The following PRRX2 variants were observed in gnomAD, a reference collection of about 807,000 sequenced individuals.
The protein encoded by PRRX2 is paired mesoderm homeobox protein 2.
A neutral mutation model predicts 18.0 loss-of-function variants in PRRX2; 11 were observed. The observed-to-expected ratio is 0.61, with a 90% confidence interval of 0.39 to 1.01. The LOEUF (loss-of-function observed/expected upper bound fraction) is 1.01. Among genes scored for constraint, PRRX2 ranks in the 50% least tolerant of loss-of-function variants. The pLI is 0.01. For missense variants in PRRX2, 387 were observed against 351.0 expected (o/e 1.10, Z -0.82); for synonymous variants, 177 against 154.8 (o/e 1.14, Z -1.06).
In PRRX2 at chr9:129,671,223, A is replaced by C. The variant is rs919349548; in HGVS notation, c.259+5097A>C. ...AGCAGGAGCCGGGGAGCAGGGAGGGAGGAGGAGTGAGTGAGAGGCTGAGTG... is the reference window on the plus strand; with the variant it reads ...AGCAGGAGCCGGGGAGCAGGGAGGGCGGAGGAGTGAGTGAGAGGCTGAGTG... On this transcript the variant is annotated intron_variant, in intron 1 of 3. Transcript: ENST00000372469. The surrounding 1 kb of genome is among the most constrained non-coding windows in gnomAD (Gnocchi z 4.0). 2.8e-4 allele frequency among the ~76,000 whole-genome samples: 43 copies of C among 152,038 alleles called. 1 individual carries two copies. Among genetic ancestry groups the C allele is most frequent in the Middle Eastern group, 3.2e-3 (1 of 316 alleles).
chr9:129,713,636 CTT>C (rs1014664199), intron 1 of PRRX2, among the ~76,000 whole-genome samples: 3 of 144,208 alleles, frequency 2.1e-5, no homozygotes, highest in Non-Finnish European at 3.1e-5. Context: ...TTTTTTCTTT[CTT>C]TTTTTTTTTT....
chr9:129,684,459 C>CACACACACACA (rs1491097967), intron 1 of PRRX2, among the ~76,000 whole-genome samples: 2 of 134,254 alleles, frequency 1.5e-5, no homozygotes, highest in Non-Finnish European at 3.2e-5. Flanking sequence ...CACACACACA[C>CACACACACACA]CCAACAGAAA....
At chr9:129,677,734 G>A (rs1832178546) in intron 1 of PRRX2, among the ~76,000 whole-genome samples, 1 of 152,252 alleles carries the variant, frequency 6.6e-6, no homozygotes, top group South Asian at 2.1e-4. Context: ...CTCTCCCGCA[G>A]AGCGGGCCGC....
rs1256368890 is a variant in PRRX2 at position 129,675,909 on chromosome 9, T to G, written c.259+9783T>G. Among the ~76,000 whole-genome samples, 1 of 152,134 alleles carries G rather than the reference T, an allele frequency of 6.6e-6. No individual in the cohort carries two copies. Among genetic ancestry groups the G allele is most frequent in the Non-Finnish European group, 1.5e-5 (1 of 68,012 alleles). On this transcript the variant is annotated intron_variant, in intron 1 of 3. Transcript: ENST00000372469. The surrounding 1 kb of genome is among the most constrained non-coding windows in gnomAD (Gnocchi z 4.4). ...TGAAAGCCAGTGCACCTCCTTTCAT[T>G]AGACTAACAAATAACGCGTAACAGA...
At chr9:129,668,964 T>G (rs1832064325) in intron 1 of PRRX2, among the ~76,000 whole-genome samples, 1 of 151,264 alleles carries the variant, frequency 6.6e-6, no homozygotes, top group Non-Finnish European at 1.5e-5. Context: ...CTGGCCAAGA[T>G]AGTGAAACTG....
rs1183706635 is a variant in PRRX2, at chr9:129,695,738, C to T, written c.260-23493C>T. 6.6e-6 allele frequency among the ~76,000 whole-genome samples: 1 copy of T among 152,222 alleles called. No individual in the cohort carries two copies. The highest frequency in any genetic ancestry group is 1.5e-5 in the Non-Finnish European group (1 of 68,046). On this transcript the variant is annotated intron_variant, in intron 1 of 3. Coordinates refer to ENST00000372469, the MANE Select transcript of PRRX2 (RefSeq NM_016307.4). The surrounding 1 kb of genome is among the most constrained non-coding windows in gnomAD (Gnocchi z 4.8). Reference sequence around the variant, plus strand: ...GGCACATTCACCAGGCCATTATGGGCCTCACTACCTTTAGGCGGGGAACTT... The same window carrying T: ...GGCACATTCACCAGGCCATTATGGGTCTCACTACCTTTAGGCGGGGAACTT...
chr9:129,702,423 ACT>A (rs1832509859), intron 1 of PRRX2, among the ~76,000 whole-genome samples: 1 of 152,118 alleles, frequency 6.6e-6, no homozygotes, highest in Admixed American at 6.5e-5. Flanking sequence ...ACTTTCTAGA[ACT>A]CTCTGTGATG....
At chr9:129,673,491 A>C (rs1012044666) in intron 1 of PRRX2, among the ~76,000 whole-genome samples, 4 of 152,292 alleles carry the variant, frequency 2.6e-5, no homozygotes, top group South Asian at 4.1e-4. Flanking sequence ...AAAGGTTCCC[A>C]AAATTGACTT....
chr9:129,690,230 G>T (rs1832345238), intron 1 of PRRX2, among the ~76,000 whole-genome samples: 1 of 152,118 alleles, frequency 6.6e-6, no homozygotes, highest in Admixed American at 6.6e-5. Flanking sequence ...CTGAGAGTTG[G>T]CCTAAGAGCT....
intron 1 of PRRX2, among the ~76,000 whole-genome samples, chr9:129,674,521 T>C (rs1045802063): frequency 1.3e-5 from 2 of 151,986 alleles, no homozygotes; most frequent in African/African-American, 4.8e-5. Context: ...GCTGCAAAAC[T>C]CGCAGTCTTT....
chr9:129,673,637 C>T lies in PRRX2; in HGVS notation c.259+7511C>T, dbSNP rs961494231. On this transcript the variant is annotated intron_variant, in intron 1 of 3. Coordinates refer to ENST00000372469, the MANE Select transcript of PRRX2 (RefSeq NM_016307.4). ...TCCCAGACACAAAGACACACACAGA[C>T]CCATACCCCCCATGCCACACACACA... 1.1e-4 allele frequency among the ~76,000 whole-genome samples: 16 copies of T among 145,622 alleles called. No individual in the cohort carries two copies. The Admixed American group carries it at 1.1e-3, about 10-fold the overall frequency.
chr9:129,714,357 C>T (rs1269594368), intron 1 of PRRX2, among the ~76,000 whole-genome samples: 6 of 149,622 alleles, frequency 4.0e-5, no homozygotes, highest in African/African-American at 7.4e-5. Context: ...GAGCCGAGAT[C>T]GCACCACTGC....
At chr9:129,669,130 T>A (rs1832067224) in intron 1 of PRRX2, among the ~76,000 whole-genome samples, 1 of 150,360 alleles carries the variant, frequency 6.7e-6, no homozygotes, top group Non-Finnish European at 1.5e-5. Context: ...TTAATACGTC[T>A]TCAATCTGCT....
chr9:129,693,909 C>T (rs369272115), intron 1 of PRRX2, among the ~76,000 whole-genome samples: 28 of 152,256 alleles, frequency 1.8e-4, no homozygotes, highest in East Asian at 5.8e-4. Flanking sequence ...GATGGTAAGA[C>T]GATGCCACAC....
chr9:129,673,349 C>T (rs150195444), intron 1 of PRRX2, among the ~76,000 whole-genome samples: 71 of 152,150 alleles, frequency 4.7e-4, no homozygotes, highest in African/African-American at 1.3e-3. Flanking sequence ...CCCAGCTACT[C>T]GGGATGCTGA....
chr9:129,699,678 C>G (rs1465311051), intron 1 of PRRX2, among the ~76,000 whole-genome samples: 1 of 152,134 alleles, frequency 6.6e-6, no homozygotes, highest in Admixed American at 6.5e-5. Context: ...ATGCATCCGC[C>G]CGGAATAAAG....
intron 1 of PRRX2, among the ~76,000 whole-genome samples, chr9:129,674,936 C>T (rs558184809): frequency 4.6e-5 from 7 of 152,290 alleles, no homozygotes; most frequent in South Asian, 2.1e-4. Flanking sequence ...CCCACCGGAT[C>T]GGACTCGGAG....
In PRRX2 at chr9:129,720,700, C is replaced by G. The variant is rs768366620; in HGVS notation, c.552C>G (p.Ile184Met). 2 of 1,613,258 alleles carry G rather than the reference C, an allele frequency of 1.2e-6. No homozygotes were observed. The highest frequency in any genetic ancestry group is 1.7e-5 in the Admixed American group (1 of 59,968). ...LLKSYSQEAA[I>M]EQPVAPRPTA... ...AGTCCTACAGCCAGGAGGCCGCCAT[C>G]GAGCAGCCCGTGGCTCCCCGGCCCA... Residue 184 changes from isoleucine to methionine, a missense_variant, in exon 3 of 4, where the codon ATC becomes ATG. By Grantham distance (10) the Ile-to-Met change is conservative (BLOSUM62 1). Transcript: ENST00000372469.
intron 1 of PRRX2, among the ~76,000 whole-genome samples, chr9:129,718,113 C>T (rs1347041117): frequency 1.3e-5 from 2 of 151,398 alleles, no homozygotes; most frequent in African/African-American, 4.8e-5. Flanking sequence ...GGTTGCCACT[C>T]CAGGACCTCC....
Sources: gnomAD v4.1 joint callset for allele counts (sites outside exome capture counted in the v4.1 genomes callset) on GRCh38, gnomAD v4.1.1 for gene constraint, Gnocchi (gnomAD v3.1) non-coding constraint, MANE v1.5 for transcripts, NCBI Gene and HGNC (gene_info 2026-07-23, HGNC 2026-07-21) for gene names.